The following MAP3K14 variants were observed in gnomAD, a reference collection of about 807,000 sequenced individuals.
MAP3K14 encodes mitogen-activated protein kinase kinase kinase 14.
A neutral mutation model predicts 99.2 loss-of-function variants in MAP3K14; 16 were observed. The ratio of observed to expected loss-of-function variants is 0.16; its 90% confidence interval spans 0.11 to 0.24. The LOEUF (loss-of-function observed/expected upper bound fraction) is 0.24. Among genes scored for constraint, MAP3K14 ranks in the 10% least tolerant of loss-of-function variants. The probability of loss-of-function intolerance (pLI) is 1.00; values close to 1 mark genes in which losing one functional copy is unlikely to be tolerated. For missense variants in MAP3K14, 784 were observed against 1,208.7 expected, an observed-to-expected ratio of 0.65 and a Z score of 5.21; for synonymous variants, 462 against 492.4, an observed-to-expected ratio of 0.94 and a Z score of 0.82.
chr17:45,267,216 A>C lies in MAP3K14; in HGVS notation c.2327-18T>G. 1.9e-6 allele frequency: 3 copies of C among 1,545,886 alleles called. No individual in the cohort carries two copies. The South Asian group carries it at 3.5e-5, about 18-fold the overall frequency. ...GAATAATTCTGCAGGGAAAAGTGGA[A>C]GATGGCTGTGAAAGACTGGGAGGAG... On this transcript the variant is annotated intron_variant, in intron 12 of 15. Transcript: ENST00000344686. The surrounding 1 kb of genome is among the most constrained non-coding windows in gnomAD (Gnocchi z 5.1).
intron 3 of MAP3K14, 36 bp from the exon 4 acceptor site, chr17:45,287,400 G>C (rs771724094): frequency 1.3e-6 from 2 of 1,578,812 alleles, no homozygotes; most frequent in African/African-American, 2.7e-5. Context: ...TATTGAGCAC[G>C]AGGAAGCAGG....
chr17:45,303,741 CTTTTT>C (rs77134550), intron 1 of MAP3K14, among the ~76,000 whole-genome samples: 2 of 142,162 alleles, frequency 1.4e-5, no homozygotes, highest in African/African-American at 5.1e-5. Flanking sequence ...TAGTTTGGGA[CTTTTT>C]TTTTTTTTTG....
At chr17:45,265,129 ACT>A (rs1567984985) in intron 15 of MAP3K14, 32 bp downstream of exon 15, 1 of 1,540,822 alleles carries the variant, frequency 6.5e-7, no homozygotes, top group South Asian at 1.1e-5. Flanking sequence ...GGCTTCTGGG[ACT>A]CTGCCCGTCA....
intron 1 of MAP3K14, among the ~76,000 whole-genome samples, chr17:45,300,343 C>T (rs2044377374): frequency 6.6e-6 from 1 of 151,672 alleles, no homozygotes; most frequent in Non-Finnish European, 1.5e-5. Flanking sequence ...TGGCGCTGAG[C>T]TAATCTTGAA....
At chr17:45,266,702 A>C in intron 13 of MAP3K14, 21 bp from the exon 14 acceptor site, 4 of 1,598,416 alleles carry the variant, frequency 2.5e-6, no homozygotes, top group Non-Finnish European at 3.4e-6. Flanking sequence ...AGGATTGGGT[A>C]CGGGCTCAGG....
intron 1 of MAP3K14, among the ~76,000 whole-genome samples, chr17:45,308,993 T>G (rs934188561): frequency 6.6e-6 from 1 of 152,100 alleles, no homozygotes; most frequent in Non-Finnish European, 1.5e-5. Flanking sequence ...AAAAAATTTT[T>G]TTTTTGGAGG....
chr17:45,280,903 G>A (rs1325220102), intron 6 of MAP3K14, among the ~76,000 whole-genome samples: 1 of 152,114 alleles, frequency 6.6e-6, no homozygotes, highest in African/African-American at 2.4e-5. Flanking sequence ...GAGCTACTGC[G>A]CCTGGCCGAC....
intron 1 of MAP3K14, among the ~76,000 whole-genome samples, chr17:45,304,642 G>A (rs77691084): frequency 0.034 from 5,204 of 152,120 alleles, 229 homozygotes; most frequent in African/African-American, 0.099. Flanking sequence ...AGTCTAGATG[G>A]GGAAAAAATG....
Position 45,271,102 on chromosome 17 carries a change from A to G in MAP3K14, c.1777T>C (p.Cys593Arg), listed in dbSNP as rs1480888701. The G allele has an allele frequency of 5.6e-6, 9 of 1,613,024 alleles. No individual in the cohort carries two copies. Among genetic ancestry groups the G allele is most frequent in the Non-Finnish European group, 7.6e-6 (9 of 1,179,726 alleles). ...CCMMLHMLNGCHPWTQFFRGP... is the reference protein window; with the variant it reads ...CCMMLHMLNGRHPWTQFFRGP... ...CGGAAGAACTGAGTCCAGGGGTGGCAGCCGTTGAGCATGTGCAGCATCATA... is the reference window on the plus strand; with the variant it reads ...CGGAAGAACTGAGTCCAGGGGTGGCGGCCGTTGAGCATGTGCAGCATCATA... The change falls in exon 10 of 16, where the codon TGC becomes CGC. Residue 593 changes from cysteine (C) to arginine (R), a missense_variant. By Grantham distance (180) the Cys-to-Arg change is radical (BLOSUM62 -3). Transcript: ENST00000344686.
chr17:45,288,611 C>G (rs1216760946), intron 3 of MAP3K14, among the ~76,000 whole-genome samples: 1 of 152,066 alleles, frequency 6.6e-6, no homozygotes, highest in Non-Finnish European at 1.5e-5. Context: ...CTCCTGACCT[C>G]GTGATCCACC....
chr17:45,270,159 T>C (rs1290131849), intron 11 of MAP3K14, among the ~76,000 whole-genome samples: 6 of 152,198 alleles, frequency 3.9e-5, no homozygotes, highest in African/African-American at 1.4e-4. Flanking sequence ...TGATTGTAGT[T>C]GAGTGGGAGA....
At chr17:45,280,299 CTTTTTTT>C (rs751994880) in intron 6 of MAP3K14, among the ~76,000 whole-genome samples, 3 of 122,334 alleles carry the variant, frequency 2.5e-5, no homozygotes, top group Non-Finnish European at 3.3e-5. Flanking sequence ...CACAGAAACA[CTTTTTTT>C]TTTTTTTTTT....
At chr17:45,303,326 C>T (rs141693093) in intron 1 of MAP3K14, among the ~76,000 whole-genome samples, 4,935 of 152,174 alleles carry the variant, frequency 0.032, 292 homozygotes, top group African/African-American at 0.11. Context: ...CTTGGGAGGC[C>T]GAGGTGGGTG....
At position 45,272,848 on chromosome 17, in the gene MAP3K14, G is replaced by C. The variant is rs1490829041; in HGVS notation, c.1657+655C>G. ...CCAGCTACTCAGGAGGCTGAGGCAG[G>C]AGAATTACTTGAACCCGGGAGGAGG... is the stretch of plus-strand genomic sequence containing the variant. On this transcript the variant is annotated intron_variant, in intron 9 of 15. Transcript: ENST00000344686. The surrounding 1 kb of genome is among the most constrained non-coding windows in gnomAD (Gnocchi z 4.1). 1.3e-5 allele frequency among the ~76,000 whole-genome samples: 2 copies of C among 152,226 alleles called. No homozygotes were observed. The highest frequency in any genetic ancestry group is 3.9e-4 in the East Asian group (2 of 5,182).
intron 1 of MAP3K14, among the ~76,000 whole-genome samples, chr17:45,291,661 G>T (rs1421853544): frequency 6.6e-6 from 1 of 152,104 alleles, no homozygotes; most frequent in Non-Finnish European, 1.5e-5. Context: ...ACTGGAATTG[G>T]CAAAAAAGAG....
intron 1 of MAP3K14, among the ~76,000 whole-genome samples, chr17:45,309,382 CTA>C (rs1401829304): frequency 2.0e-5 from 3 of 152,216 alleles, no homozygotes; most frequent in African/African-American, 7.2e-5. Flanking sequence ...CCTCCAGCTC[CTA>C]TAGTCATGGC....
chr17:45,284,523 G>A (rs541019732), intron 6 of MAP3K14, among the ~76,000 whole-genome samples: 2 of 152,344 alleles, frequency 1.3e-5, no homozygotes, highest in East Asian at 1.9e-4. Flanking sequence ...CATCTTCCAC[G>A]TTGGGACTTG....
intron 1 of MAP3K14, among the ~76,000 whole-genome samples, chr17:45,310,598 G>A (rs2044467622): frequency 6.6e-6 from 1 of 152,190 alleles, no homozygotes; most frequent in Non-Finnish European, 1.5e-5. Flanking sequence ...TCACTGAGAG[G>A]AGCCAGGCAG....
rs1272987751 is a variant in MAP3K14, at chr17:45,264,297, T to C, written c.*339A>G. The C allele has an allele frequency of 9.1e-6, 2 of 219,458 alleles. No individual in the cohort carries two copies. The highest frequency in any genetic ancestry group is 5.5e-5 in the Admixed American group (1 of 18,238). The allele number at this position is 219,458 out of a possible 1,614,324, so 13.6% of individuals were successfully genotyped here. A position where few individuals can be genotyped will look rare whatever the true frequency, so the allele number is the denominator to read the frequency against. On this transcript the variant is annotated 3_prime_UTR_variant, in exon 16 of 16. Transcript: ENST00000344686. The stretch of plus-strand genomic sequence containing the variant: ...ACCCAGGCTGGAAGCTGCTCTCCCC[T>C]GTCTGCCAGCAAATGGTCACTGATC...
Sources: allele counts gnomAD v4.1 joint callset (sites outside exome capture counted in the v4.1 genomes callset), GRCh38; gene constraint gnomAD v4.1.1; non-coding constraint Gnocchi (gnomAD v3.1); transcripts MANE v1.5; gene names NCBI Gene and HGNC (gene_info 2026-07-23, HGNC 2026-07-21).